MSR1: variants seen among roughly 807,000 people sequenced by gnomAD.
MSR1 encodes macrophage scavenger receptor types I and II.
MSR1 carries 53 observed loss-of-function variants against 47.2 expected under a neutral mutation model. The ratio of observed to expected loss-of-function variants is 1.12; its 90% CI spans 0.90 to 1.41. The LOEUF (loss-of-function observed/expected upper bound fraction) is 1.41. Ranked by LOEUF, MSR1 falls within the 40% of genes most tolerant of loss-of-function variation. The pLI, the probability that MSR1 is intolerant of heterozygous loss-of-function variation, is 0.00. For synonymous variants in MSR1, 239 were observed against 185.6 expected (o/e 1.29, Z -2.34); for missense variants, 786 against 546.9 (o/e 1.44, Z -4.36).
chr8:16,126,029 T>G (rs1695393956), intron 8 of MSR1, among the ~76,000 whole-genome samples: 1 of 152,122 alleles, frequency 6.6e-6, no homozygotes, highest in Admixed American at 6.5e-5. Flanking sequence ...TATTAGCTAT[T>G]TATTATAAAT....
intron 3 of MSR1, among the ~76,000 whole-genome samples, chr8:16,174,778 G>GC (rs1173523523): frequency 3.3e-5 from 5 of 151,952 alleles, no homozygotes; most frequent in African/African-American, 1.2e-4. Flanking sequence ...TGGACAACAG[G>GC]CTTTTTTTTT....
At chr8:16,120,113 C>A (rs1029204152) in intron 9 of MSR1, among the ~76,000 whole-genome samples, 1 of 151,866 alleles carries the variant, frequency 6.6e-6, no homozygotes, top group African/African-American at 2.4e-5. Context: ...CGCGGTGGCT[C>A]TCGCCTGTAA....
chr8:16,134,138 C>T (rs539109319), intron 8 of MSR1, among the ~76,000 whole-genome samples: 25 of 152,246 alleles, frequency 1.6e-4, no homozygotes, highest in Non-Finnish European at 2.5e-4. Flanking sequence ...CATAAAGTAT[C>T]GGTGATTTCA....
In MSR1 at chr8:16,138,892, T is replaced by C. The variant is rs558958239; in HGVS notation, c.1033+4666A>G. The stretch of plus-strand genomic sequence containing the variant: ...ATGTAGGCATAAAACCAGAGTACCA[T>C]TGACAACTCTAACTTGTTTCAACCT... On this transcript the variant is annotated intron_variant, in intron 8 of 9. Coordinates refer to ENST00000262101, the MANE Select transcript of MSR1 (RefSeq NM_138715.3). Among the ~76,000 whole-genome samples the C allele has an allele frequency of 2.2e-4, 33 of 152,326 alleles. No homozygotes were observed. The South Asian group carries it at 5.6e-3, about 26-fold the overall frequency.
rs1563168140 is a variant in MSR1, at chr8:16,177,879, T to A, written c.103+7A>T. Reference sequence around the variant, plus strand: ...CCTCCATGGGCAGCCCATCCCCCTCTACTTACTCGGAGGAAGCAAAGCTGT... The same window carrying A: ...CCTCCATGGGCAGCCCATCCCCCTCAACTTACTCGGAGGAAGCAAAGCTGT... On this transcript the variant is annotated splice_region_variant and intron_variant, in intron 2 of 9. Transcript: ENST00000262101. 1 of 1,612,028 alleles carries A rather than the reference T, an allele frequency of 6.2e-7. No homozygotes were observed. The highest frequency in any genetic ancestry group is 8.5e-7 in the Non-Finnish European group (1 of 1,178,286).
chr8:16,190,719 C>CTTTTTT (rs1802174041), intron 1 of MSR1, among the ~76,000 whole-genome samples: 1 of 133,954 alleles, frequency 7.5e-6, no homozygotes, highest in African/African-American at 3.3e-5. Context: ...TTTCTTTTTT[C>CTTTTTT]TTTCTTTCTT....
In MSR1 at chr8:16,110,146, C is replaced by T. The variant is rs375488324; in HGVS notation, c.1295G>A (p.Arg432Gln). The change falls in exon 10 of 10, where the codon CGG (arginine) becomes CAG (glutamine). Residue 432 changes from arginine (R) to glutamine (Q), a missense_variant. Transcript: ENST00000262101. ...TGAACAGGCTCTTGTCCCCCATTGC[C>T]GAATTTTACATTCTTCAATAGATGA... ...RESSIEECKI[R>Q]QWGTRACSHS... 14 of 1,613,494 alleles carry T rather than the reference C, an allele frequency of 8.7e-6. No homozygotes were observed. Among genetic ancestry groups the T allele is most frequent in the East Asian group, 6.7e-5 (3 of 44,846 alleles).
At chr8:16,142,739 C>A (rs1313529939) in intron 8 of MSR1, among the ~76,000 whole-genome samples, 1 of 151,970 alleles carries the variant, frequency 6.6e-6, no homozygotes, top group Non-Finnish European at 1.5e-5. Context: ...TAAAACAGAC[C>A]CCTGATGATT....
Position 16,185,833 on chromosome 8 carries a change from T to C in MSR1, c.-5+6765A>G, listed in dbSNP as rs1193646216. 2.1e-5 allele frequency among the ~76,000 whole-genome samples: 3 copies of C among 143,592 alleles called. No homozygotes were observed. The East Asian group carries it at 6.5e-4, about 31-fold the overall frequency. 94.2% of individuals were successfully genotyped at this position (143,592 alleles called of 152,430 possible). On this transcript the variant is annotated intron_variant, in intron 1 of 9. Coordinates refer to ENST00000262101, the MANE Select transcript of MSR1 (RefSeq NM_138715.3). ...AGGGAAAAAGTCAAACAGTAGAAGATACCTTTTTTCAGGAAAAAAAAAAAA... is the reference window on the plus strand; with the variant it reads ...AGGGAAAAAGTCAAACAGTAGAAGACACCTTTTTTCAGGAAAAAAAAAAAA...
chr8:16,117,679 G>C (rs551829360), intron 9 of MSR1, among the ~76,000 whole-genome samples: 1 of 151,996 alleles, frequency 6.6e-6, no homozygotes, highest in Non-Finnish European at 1.5e-5. Context: ...AGTGAAGCAG[G>C]GTTTTCTACA....
intron 1 of MSR1, among the ~76,000 whole-genome samples, chr8:16,185,697 G>A (rs1013373105): frequency 6.6e-6 from 1 of 151,926 alleles, no homozygotes; most frequent in Non-Finnish European, 1.5e-5. Flanking sequence ...ACTCCAGCCA[G>A]GCATCTTGGG....
intron 8 of MSR1, chr8:16,140,688 C>T (rs930881260): frequency 3.0e-6 from 4 of 1,313,588 alleles, no homozygotes; most frequent in African/African-American, 3.0e-5. Flanking sequence ...CAATGGGTGG[C>T]AGAGAACTGA....
chr8:16,175,067 T>C, intron 3 of MSR1, 120 bp downstream of exon 3: 1 of 795,726 alleles, frequency 1.3e-6, no homozygotes, highest in Admixed American at 2.0e-5. Flanking sequence ...GGACACTTTG[T>C]AATGCAGTAT....
intron 8 of MSR1, among the ~76,000 whole-genome samples, chr8:16,125,830 A>G (rs899432879): frequency 2.0e-5 from 3 of 152,076 alleles, no homozygotes; most frequent in African/African-American, 7.2e-5. Context: ...GCTGTGGTGC[A>G]GTCATAGCTC....
intron 1 of MSR1, among the ~76,000 whole-genome samples, chr8:16,184,078 T>C (rs1010641893): frequency 1.3e-5 from 2 of 151,382 alleles, no homozygotes; most frequent in Non-Finnish European, 2.9e-5. Context: ...CATGAAGGTA[T>C]GAACAATATG....
chr8:16,187,316 T>C (rs903702217), intron 1 of MSR1, among the ~76,000 whole-genome samples: 5 of 125,144 alleles, frequency 4.0e-5, no homozygotes, highest in Non-Finnish European at 7.7e-5. Flanking sequence ...TGAGCCAAGA[T>C]CAGGCCACTG....
intron 8 of MSR1, chr8:16,120,828 C>G (rs953443829): frequency 1.7e-6 from 1 of 591,072 alleles, no homozygotes; most frequent in African/African-American, 1.9e-5. Context: ...GAGCAAAATC[C>G]AATCTGTCTT....
chr8:16,119,869 G>A (rs1324287505), intron 9 of MSR1, among the ~76,000 whole-genome samples: 1 of 88,892 alleles, frequency 1.1e-5, no homozygotes, highest in East Asian at 3.7e-4. Flanking sequence ...ATCACGCCTG[G>A]CTTTTTTTTT....
At position 16,110,139 on chromosome 8, in the gene MSR1, C is replaced by A. The variant is rs1238397417; in HGVS notation, c.1302G>T (p.Trp434Cys). 1.2e-6 allele frequency: 2 copies of A among 1,613,652 alleles called. No homozygotes were observed. The highest frequency in any genetic ancestry group is 1.7e-6 in the Non-Finnish European group (2 of 1,179,704). Residue 434 changes from tryptophan (W) to cysteine (C), a missense_variant, in exon 10 of 10, where the codon TGG becomes TGT. Physicochemically the swap from Trp to Cys is radical, Grantham distance 215 (BLOSUM62 -2). Transcript: ENST00000262101. The part of the protein sequence containing the change: ...SSIEECKIRQ[W>C]GTRACSHSED... The stretch of plus-strand genomic sequence containing the variant: ...CAGAATGTGAACAGGCTCTTGTCCC[C>A]CATTGCCGAATTTTACATTCTTCAA...
Sources: allele counts gnomAD v4.1 joint callset (sites outside exome capture counted in the v4.1 genomes callset), GRCh38; gene constraint gnomAD v4.1.1; transcripts MANE v1.5; gene names NCBI Gene and HGNC (gene_info 2026-07-23, HGNC 2026-07-21).